Variants in ADAM23 observed in about 807,000 individuals in gnomAD.
ADAM23 encodes disintegrin and metalloproteinase domain-containing protein 23.
A neutral mutation model predicts 120.1 loss-of-function variants in ADAM23; 33 were observed. The ratio of observed to expected loss-of-function variants is 0.27; its 90% CI spans 0.21 to 0.37. The LOEUF (loss-of-function observed/expected upper bound fraction) is 0.37, where lower values mean the gene tolerates loss of function less well. Among genes scored for constraint, ADAM23 ranks in the 10% least tolerant of loss-of-function variants. The pLI is 1.00. For missense variants in ADAM23, 862 were observed against 1,058.2 expected (o/e 0.81, Z 2.57); for synonymous variants, 367 against 375.2 (o/e 0.98, Z 0.25).
intron 3 of ADAM23, among the ~76,000 whole-genome samples, chr2:206,495,016 C>T (rs1432695270): frequency 6.6e-6 from 1 of 152,134 alleles, no homozygotes; most frequent in African/African-American, 2.4e-5. Context: ...ACCAAATCTA[C>T]GTCTAATTGG....
chr2:206,591,062 T>C (rs1340080128), intron 21 of ADAM23, among the ~76,000 whole-genome samples: 1 of 152,188 alleles, frequency 6.6e-6, no homozygotes, highest in Non-Finnish European at 1.5e-5. Context: ...CCAGACACGA[T>C]GGCTTATGCC....
chr2:206,600,241 T>C (rs1033865532), intron 24 of ADAM23, among the ~76,000 whole-genome samples: 1 of 152,154 alleles, frequency 6.6e-6, no homozygotes, highest in Non-Finnish European at 1.5e-5. Context: ...ATCTTTTTTC[T>C]CATGATCCAA....
intron 2 of ADAM23, among the ~76,000 whole-genome samples, chr2:206,477,909 T>TAC (rs1695815444): frequency 1.0e-4 from 14 of 140,560 alleles, no homozygotes; most frequent in Middle Eastern, 6.6e-3. Flanking sequence ...TATATATATA[T>TAC]ATATATATAT....
intron 15 of ADAM23, among the ~76,000 whole-genome samples, chr2:206,568,123 G>GT (rs796301542): frequency 2.7e-4 from 40 of 150,574 alleles, no homozygotes; most frequent in South Asian, 8.5e-4. Context: ...CTTGACTTTT[G>GT]TTTTTTTTTG....
intron 3 of ADAM23, among the ~76,000 whole-genome samples, chr2:206,495,040 G>A (rs997109011): frequency 1.3e-5 from 2 of 152,236 alleles, no homozygotes; most frequent in African/African-American, 4.8e-5. Flanking sequence ...ACCTGAAAGT[G>A]ACGGGGAGAA....
At chr2:206,510,720 A>G (rs138171499) in intron 3 of ADAM23, among the ~76,000 whole-genome samples, 2,625 of 152,302 alleles carry the variant, frequency 0.017, 43 homozygotes, top group Non-Finnish European at 0.025. Context: ...ATTTTGAATC[A>G]TACTTTCCCT....
chr2:206,445,567 G>A (rs752965540), intron 2 of ADAM23, 43 bp downstream of exon 2: 2 of 1,502,828 alleles, frequency 1.3e-6, no homozygotes, highest in African/African-American at 2.8e-5. Context: ...ATCATGAAGA[G>A]TTTTCCTTTG....
At chr2:206,528,259 A>G (rs1456240062) in intron 3 of ADAM23, among the ~76,000 whole-genome samples, 1 of 152,220 alleles carries the variant, frequency 6.6e-6, no homozygotes, top group African/African-American at 2.4e-5. Flanking sequence ...TATGTATATC[A>G]TAGTGCTGGT....
chr2:206,524,671 TC>T (rs756311211), intron 3 of ADAM23, among the ~76,000 whole-genome samples: 1 of 152,314 alleles, frequency 6.6e-6, no homozygotes, highest in East Asian at 1.9e-4. Context: ...GAAAGGGGTT[TC>T]CCCTTATAAA....
intron 16 of ADAM23, among the ~76,000 whole-genome samples, 177 bp downstream of exon 16, chr2:206,570,988 GTC>G (rs1472646249): frequency 6.6e-6 from 1 of 152,148 alleles, no homozygotes; most frequent in Non-Finnish European, 1.5e-5. Flanking sequence ...TTATGGCCTT[GTC>G]TGAGCAAACC....
intron 3 of ADAM23, among the ~76,000 whole-genome samples, chr2:206,499,515 G>A (rs576759926): frequency 6.6e-6 from 1 of 150,554 alleles, no homozygotes; most frequent in African/African-American, 2.4e-5. Flanking sequence ...AGGGGGGATA[G>A]CATTAGGAGA....
In ADAM23 at chr2:206,534,858, C is replaced by T. The variant is rs542168652; in HGVS notation, c.573+3910C>T. Among the ~76,000 whole-genome samples, 10 of 152,252 alleles carry T rather than the reference C, an allele frequency of 6.6e-5. No homozygotes were observed. In the South Asian group the frequency reaches 2.1e-3, roughly 32 times the overall value. On this transcript the variant is annotated intron_variant, in intron 4 of 25. Coordinates refer to ENST00000264377, the MANE Select transcript of ADAM23 (RefSeq NM_003812.4). ...CTTTTCCTAGGTCTATTTCCTCACC[C>T]TGGCTTCTTCCTATTCCGTTGCTCA...
At position 206,619,993 on chromosome 2, in the gene ADAM23, T is replaced by C. The variant is rs1699024779; in HGVS notation, c.*2366T>C. The C allele has an allele frequency of 6.6e-6, 1 of 152,254 alleles. No individual in the cohort carries two copies. The highest frequency in any genetic ancestry group is 2.4e-5 in the African/African-American group (1 of 41,450). 9.4% of individuals were successfully genotyped at this position (152,254 alleles called of 1,614,324 possible). ...GAGGAAGCTTGGAGGAAACTCAGATTACTTGGTATCTTTTCCTGTTGCTGC... is the reference window on the plus strand; with the variant it reads ...GAGGAAGCTTGGAGGAAACTCAGATCACTTGGTATCTTTTCCTGTTGCTGC... On this transcript the variant is annotated 3_prime_UTR_variant, in exon 26 of 26. Transcript: ENST00000264377.
chr2:206,445,623 AT>A (rs752720196), intron 2 of ADAM23, 99 bp downstream of exon 2: 4 of 1,025,164 alleles, frequency 3.9e-6, no homozygotes, highest in Non-Finnish European at 5.8e-6. Flanking sequence ...TTACTGCAGC[AT>A]TTTATTAAGA....
At chr2:206,581,571 G>T (rs1698219141) in intron 18 of ADAM23, among the ~76,000 whole-genome samples, 1 of 152,154 alleles carries the variant, frequency 6.6e-6, no homozygotes, top group Non-Finnish European at 1.5e-5. Context: ...TTATTCCACT[G>T]TGATCTGAGA....
intron 3 of ADAM23, among the ~76,000 whole-genome samples, chr2:206,493,458 T>C (rs989248350): frequency 1.3e-5 from 2 of 152,152 alleles, no homozygotes; most frequent in Middle Eastern, 3.2e-3. Flanking sequence ...CTGCAACCTC[T>C]ACCTCCCAGG....
At chr2:206,544,983 G>A (rs964984723) in intron 6 of ADAM23, among the ~76,000 whole-genome samples, 2 of 152,174 alleles carry the variant, frequency 1.3e-5, no homozygotes, top group Non-Finnish European at 2.9e-5. Flanking sequence ...TAGGGTGTTC[G>A]AGGAGCTTTG....
intron 9 of ADAM23, among the ~76,000 whole-genome samples, chr2:206,555,527 A>G (rs1421880831): frequency 1.3e-5 from 2 of 152,164 alleles, no homozygotes; most frequent in East Asian, 1.9e-4. Context: ...TCTAATTTAC[A>G]TAACAATGAC....
At chr2:206,469,571 C>T (rs1382457483) in intron 2 of ADAM23, among the ~76,000 whole-genome samples, 1 of 152,182 alleles carries the variant, frequency 6.6e-6, no homozygotes, top group African/African-American at 2.4e-5. Flanking sequence ...CGCACAATAG[C>T]TTCCAGTGAA....
Sources: gnomAD v4.1 joint callset for allele counts (sites outside exome capture counted in the v4.1 genomes callset) on GRCh38, gnomAD v4.1.1 for gene constraint, MANE v1.5 for transcripts, NCBI Gene and HGNC (gene_info 2026-07-23, HGNC 2026-07-21) for gene names.